The following CRISPLD2 variants were observed in gnomAD, a reference collection of about 807,000 sequenced individuals.
CRISPLD2 encodes the protein cysteine-rich secretory protein LCCL domain-containing 2.
Under a neutral mutation model 71.1 loss-of-function variants are expected in CRISPLD2, and 47 were observed. That is an observed-to-expected ratio of 0.66 (90% CI 0.52 to 0.84). The LOEUF (loss-of-function observed/expected upper bound fraction) is 0.84. Ranked by LOEUF, CRISPLD2 falls within the 40% of genes least tolerant of loss-of-function variation. CRISPLD2 has a pLI of 0.00. For synonymous variants in CRISPLD2, 317 were observed against 250.1 expected, an observed-to-expected ratio of 1.27 and a Z score of -2.52; for missense variants, 830 against 651.1, an observed-to-expected ratio of 1.27 and a Z score of -2.99.
At chr16:84,902,415 C>T (rs925748327) in intron 14 of CRISPLD2, among the ~76,000 whole-genome samples, 6 of 151,616 alleles carry the variant, frequency 4.0e-5, no homozygotes, top group Non-Finnish European at 8.8e-5. Context: ...CGAGACTATC[C>T]TGGCTAACAA....
chr16:84,874,023 A>G lies in CRISPLD2; in HGVS notation c.1156+60A>G, dbSNP rs551780944. The G allele has an allele frequency of 7.4e-5, 105 of 1,426,154 alleles. 1 individual carries two copies. In the South Asian group the frequency reaches 8.8e-4, roughly 12 times the overall value. 88.3% of individuals were successfully genotyped at this position (1,426,154 alleles called of 1,614,324 possible). ...CTGGGTTATCTCAGATTTTCCTGGAAATTTCACTTCCTTTAGTCGCTGATT... is the reference window on the plus strand; with the variant it reads ...CTGGGTTATCTCAGATTTTCCTGGAGATTTCACTTCCTTTAGTCGCTGATT... On this transcript the variant is annotated intron_variant, in intron 11 of 14. Coordinates refer to ENST00000262424, the MANE Select transcript of CRISPLD2 (RefSeq NM_031476.4).
chr16:84,871,531 T>C (rs2071469034), intron 8 of CRISPLD2, among the ~76,000 whole-genome samples: 1 of 152,066 alleles, frequency 6.6e-6, no homozygotes, highest in South Asian at 2.1e-4. Context: ...GGAGTCAGAC[T>C]CTTTCTTGGG....
Position 84,897,908 on chromosome 16 carries a change from C to T in CRISPLD2, c.1439+8545C>T, listed in dbSNP as rs370191544. On this transcript the variant is annotated intron_variant, in intron 14 of 14. Coordinates refer to ENST00000262424, the MANE Select transcript of CRISPLD2 (RefSeq NM_031476.4). ...CTGGGATTACAGGCGTGAGCTACCA[C>T]ACCCGGCTTAAACACGCTTTTTAAA... 3.8e-3 allele frequency among the ~76,000 whole-genome samples: 573 copies of T among 152,350 alleles called. 2 individuals carry two copies. Among genetic ancestry groups the T allele is most frequent in the Non-Finnish European group, 6.7e-3 (453 of 68,040 alleles).
At chr16:84,871,854 G>GT (rs931479950) in intron 8 of CRISPLD2, among the ~76,000 whole-genome samples, 15 of 93,788 alleles carry the variant, frequency 1.6e-4, no homozygotes, top group African/African-American at 6.3e-4. Flanking sequence ...GCCTGGCCTT[G>GT]TTTTTTTTCA....
intron 1 of CRISPLD2, among the ~76,000 whole-genome samples, chr16:84,829,913 G>A (rs768672362): frequency 2.0e-4 from 31 of 152,356 alleles, no homozygotes; most frequent in Non-Finnish European, 4.3e-4. Context: ...CGTTGGCGTG[G>A]GTTTGGTGAT....
chr16:84,903,280 A>C (rs1227326288), intron 14 of CRISPLD2, among the ~76,000 whole-genome samples: 2 of 151,854 alleles, frequency 1.3e-5, no homozygotes, highest in Non-Finnish European at 2.9e-5. Context: ...CAACATCGGC[A>C]CTGTCACAGA....
intron 5 of CRISPLD2, 28 bp downstream of exon 5, chr16:84,850,711 G>C: frequency 1.3e-6 from 2 of 1,576,008 alleles, no homozygotes; most frequent in Non-Finnish European, 1.7e-6. Flanking sequence ...CGTTGTATGG[G>C]GTGGGGGTTG....
At chr16:84,890,268 AGAATG>A (rs1161674466) in intron 14 of CRISPLD2, among the ~76,000 whole-genome samples, 1 of 152,082 alleles carries the variant, frequency 6.6e-6, no homozygotes, top group African/African-American at 2.4e-5. Context: ...CTGAGGCAGG[AGAATG>A]GCGTGAACCC....
At chr16:84,875,391 G>A (rs1168934236) in intron 11 of CRISPLD2, among the ~76,000 whole-genome samples, 2 of 142,390 alleles carry the variant, frequency 1.4e-5, no homozygotes, top group African/African-American at 2.7e-5. Flanking sequence ...GTAAACATGA[G>A]AAACATGAGA....
chr16:84,896,385 G>T (rs73253443), intron 14 of CRISPLD2, among the ~76,000 whole-genome samples: 30,544 of 151,880 alleles, frequency 0.2, 3,123 homozygotes, highest in Middle Eastern at 0.24. Flanking sequence ...ACTATATATA[G>T]AGAGAGACAC....
At chr16:84,875,366 G>T (rs914797521) in intron 11 of CRISPLD2, among the ~76,000 whole-genome samples, 1 of 148,784 alleles carries the variant, frequency 6.7e-6, no homozygotes, top group African/African-American at 2.5e-5. Context: ...CTCTGAATGT[G>T]CCCAACACAA....
Position 84,873,776 on chromosome 16 carries a change from G to T in CRISPLD2, c.1113-144G>T, listed in dbSNP as rs866665535. 2.9e-5 allele frequency: 22 copies of T among 758,054 alleles called. No homozygotes were observed. In the Middle Eastern group the frequency reaches 1.1e-3, roughly 37 times the overall value. The allele number at this position is 758,054 out of a possible 1,614,324, so 47.0% of individuals were successfully genotyped here. On this transcript the variant is annotated intron_variant, in intron 10 of 14. Coordinates refer to ENST00000262424, the MANE Select transcript of CRISPLD2 (RefSeq NM_031476.4). ...TGCCCTGGTCTAGAACATTCTAAGA[G>T]CTCTCAGGCTGATAGGAAACAAGTA...
intron 14 of CRISPLD2, among the ~76,000 whole-genome samples, chr16:84,904,949 A>G (rs1427622984): frequency 6.6e-6 from 1 of 152,214 alleles, no homozygotes; most frequent in African/African-American, 2.4e-5. Context: ...AAATTGATAA[A>G]TTGTATTCTA....
intron 4 of CRISPLD2, among the ~76,000 whole-genome samples, 182 bp from the exon 5 acceptor site, chr16:84,850,386 C>T (rs1917052149): frequency 6.6e-6 from 1 of 152,164 alleles, no homozygotes; most frequent in African/African-American, 2.4e-5. Context: ...ACCGCACCGG[C>T]CCACTTGCTT....
At chr16:84,823,683 G>A (rs1188336670) in intron 1 of CRISPLD2, among the ~76,000 whole-genome samples, 2 of 152,152 alleles carry the variant, frequency 1.3e-5, no homozygotes, top group Non-Finnish European at 2.9e-5. Flanking sequence ...GCAAGGCTGC[G>A]AGGACATCAT....
At chr16:84,846,425 G>A (rs112945003) in intron 3 of CRISPLD2, among the ~76,000 whole-genome samples, 12 of 152,036 alleles carry the variant, frequency 7.9e-5, no homozygotes, top group African/African-American at 2.9e-4. Context: ...GCTAATTTTT[G>A]TATTTTTTGG....
intron 3 of CRISPLD2, among the ~76,000 whole-genome samples, chr16:84,848,688 G>A (rs1192475508): frequency 1.3e-5 from 2 of 152,180 alleles, no homozygotes; most frequent in Middle Eastern, 3.4e-3. Context: ...TGATCCTACC[G>A]CCTCAGCCTC....
rs187503744 is a variant in CRISPLD2 at position 84,873,660 on chromosome 16, A to G, written c.1113-260A>G. ...TTGCAGCTGTGGTTAGATTAAATTT[A>G]TCTTATACATTTGAAAACCATTATT... On this transcript the variant is annotated intron_variant, in intron 10 of 14. Transcript: ENST00000262424. 3.3e-4 allele frequency among the ~76,000 whole-genome samples: 50 copies of G among 152,210 alleles called. 1 individual carries two copies. The East Asian group carries it at 9.5e-3, about 29-fold the overall frequency.
chr16:84,851,194 A>C (rs1314376870), intron 5 of CRISPLD2, among the ~76,000 whole-genome samples: 1 of 152,206 alleles, frequency 6.6e-6, no homozygotes, highest in Non-Finnish European at 1.5e-5. Flanking sequence ...AGTAGACAGC[A>C]CCCTAGAAAA....
Sources: allele counts gnomAD v4.1 joint callset (sites outside exome capture counted in the v4.1 genomes callset), GRCh38; gene constraint gnomAD v4.1.1; transcripts MANE v1.5; gene names NCBI Gene and HGNC (gene_info 2026-07-23, HGNC 2026-07-21).